RBM44: variants seen among roughly 807,000 people sequenced by gnomAD.
The protein encoded by RBM44 is RNA binding motif protein 44.
RBM44 carries 66 observed loss-of-function variants against 105.1 expected under a neutral mutation model. The ratio of observed to expected loss-of-function variants is 0.63; its 90% CI spans 0.52 to 0.77. RBM44 has a LOEUF of 0.77. Ranked by LOEUF, RBM44 falls within the 30% of genes least tolerant of loss-of-function variation. The pLI, the probability that RBM44 is intolerant of heterozygous loss-of-function variation, is 0.00. For missense variants in RBM44, 1,122 were observed against 1,207.8 expected, an observed-to-expected ratio of 0.93 and a Z score of 1.05; for synonymous variants, 365 against 417.6, an observed-to-expected ratio of 0.87 and a Z score of 1.54.
chr2:237,807,910 A>C (rs2061615276), intron 1 of RBM44, among the ~76,000 whole-genome samples: 1 of 152,214 alleles, frequency 6.6e-6, no homozygotes, highest in South Asian at 2.1e-4. Flanking sequence ...CAATAACATC[A>C]TTTTTAGGTT....
intron 15 of RBM44, chr2:237,834,735 C>G (rs2061940159): frequency 6.2e-6 from 1 of 161,386 alleles, no homozygotes; most frequent in African/African-American, 2.4e-5. Context: ...GGACTGTAGT[C>G]ATTCAGAGGC....
chr2:237,808,964 A>T (rs976331522), intron 1 of RBM44, among the ~76,000 whole-genome samples: 14 of 152,324 alleles, frequency 9.2e-5, no homozygotes, highest in African/African-American at 3.4e-4. Flanking sequence ...ATAGTCCTAG[A>T]AAAAGCATTT....
chr2:237,809,113 A>G (rs2061628886), intron 1 of RBM44, among the ~76,000 whole-genome samples: 1 of 152,216 alleles, frequency 6.6e-6, no homozygotes, highest in Admixed American at 6.5e-5. Flanking sequence ...CAATTTGATA[A>G]TCAAGAATCC....
Position 237,834,425 on chromosome 2 carries a change from TA to T in RBM44, c.*22+5del. On this transcript the variant is annotated splice_donor_region_variant and intron_variant, in intron 15 of 15. Coordinates refer to ENST00000316997, the MANE Select transcript of RBM44 (RefSeq NM_001080504.3). ...AGGAATTCAAAAAACAATAAAGAGGTAAAGTAATCATATTCTTTTGTATTTG... is the reference window on the plus strand; with the variant it reads ...AGGAATTCAAAAAACAATAAAGAGGTAAGTAATCATATTCTTTTGTATTTG... The T allele has an allele frequency of 7.0e-7, 1 of 1,419,988 alleles. No individual in the cohort carries two copies. Among genetic ancestry groups the T allele is most frequent in the South Asian group, 1.5e-5 (1 of 68,736 alleles). 88.0% of individuals were successfully genotyped at this position (1,419,988 alleles called of 1,614,324 possible). A position where few individuals can be genotyped will look rare whatever the true frequency, so the allele number is the denominator to read the frequency against.
At position 237,817,280 on chromosome 2, in the gene RBM44, C is replaced by T; in HGVS notation, c.361C>T (p.Leu121=). 6.2e-7 allele frequency: 1 copy of T among 1,607,028 alleles called. No homozygotes were observed. Among genetic ancestry groups the T allele is most frequent in the Non-Finnish European group, 8.5e-7 (1 of 1,176,436 alleles). The change falls in exon 3 of 16, where the codon CTA becomes TTA. Residue 121 remains leucine (L), a synonymous_variant. Transcript: ENST00000316997. ...TYSIPYSESK[L]KKESLTPLSS... ...TTCTATACCTTATTCAGAGTCAAAA[C>T]TAAAGAAGGAAAGTCTTACTCCTTT...
chr2:237,819,333 A>C (rs1382353441), intron 4 of RBM44, among the ~76,000 whole-genome samples: 1 of 152,110 alleles, frequency 6.6e-6, no homozygotes, highest in Non-Finnish European at 1.5e-5. Context: ...GGAGCATTTT[A>C]ATCTTGATTT....
chr2:237,827,588 T>A, intron 12 of RBM44, 85 bp downstream of exon 12: 1 of 792,558 alleles, frequency 1.3e-6, no homozygotes, highest in Non-Finnish European at 2.1e-6. Flanking sequence ...GCCACAGTGG[T>A]GATAAAGTCA....
intron 1 of RBM44, chr2:237,799,193 GCTT>G (rs1310783758): frequency 6.6e-6 from 1 of 152,214 alleles, no homozygotes; most frequent in African/African-American, 2.4e-5. Flanking sequence ...TCGCACATAT[GCTT>G]CTTCTTGCCG....
chr2:237,822,845 C>T, intron 8 of RBM44, among the ~76,000 whole-genome samples: 1 of 151,972 alleles, frequency 6.6e-6, no homozygotes, highest in East Asian at 1.9e-4. Flanking sequence ...ATTCCTGTCT[C>T]ATTAAATTAA....
intron 15 of RBM44, among the ~76,000 whole-genome samples, chr2:237,839,581 A>G (rs1278971594): frequency 2.0e-5 from 3 of 152,100 alleles, no homozygotes; most frequent in Non-Finnish European, 4.4e-5. Flanking sequence ...TAAAAGAACA[A>G]TTTTCAAAAG....
chr2:237,804,625 A>G (rs2150967156), intron 1 of RBM44, among the ~76,000 whole-genome samples: 1 of 152,162 alleles, frequency 6.6e-6, no homozygotes, highest in South Asian at 2.1e-4. Context: ...CCCATTTTTT[A>G]ATAAAGTTAT....
At chr2:237,805,311 T>G (rs78338823) in intron 1 of RBM44, among the ~76,000 whole-genome samples, 1,655 of 152,326 alleles carry the variant, frequency 0.011, 15 homozygotes, top group Middle Eastern at 0.044. Context: ...CAAGGCGTAC[T>G]GTAAAGCACT....
intron 8 of RBM44, among the ~76,000 whole-genome samples, chr2:237,823,059 C>T (rs993716356): frequency 1.3e-5 from 2 of 151,584 alleles, no homozygotes; most frequent in Admixed American, 1.3e-4. Context: ...TACACATAAG[C>T]ATACGCTAAA....
intron 15 of RBM44, among the ~76,000 whole-genome samples, chr2:237,840,629 T>C (rs1425596284): frequency 6.6e-6 from 1 of 151,962 alleles, no homozygotes; most frequent in Non-Finnish European, 1.5e-5. Flanking sequence ...ATCAACAGAG[T>C]AAACAGATAA....
At chr2:237,812,221 T>C (rs1187812016) in intron 1 of RBM44, among the ~76,000 whole-genome samples, 1 of 152,222 alleles carries the variant, frequency 6.6e-6, no homozygotes, top group Non-Finnish European at 1.5e-5. Context: ...CCATTTTTAC[T>C]ATTTTTAAAG....
intron 4 of RBM44, among the ~76,000 whole-genome samples, chr2:237,819,528 C>T (rs573157738): frequency 3.2e-4 from 49 of 151,840 alleles, no homozygotes; most frequent in Admixed American, 3.2e-3. Flanking sequence ...TTTAATCTGG[C>T]GTTTCAGTTC....
intron 15 of RBM44, among the ~76,000 whole-genome samples, chr2:237,837,317 A>G (rs2061969979): frequency 6.6e-6 from 1 of 152,208 alleles, no homozygotes; most frequent in African/African-American, 2.4e-5. Flanking sequence ...AATACATTTC[A>G]TAAGGTTATA....
rs1235872152 is a variant in RBM44 at position 237,806,034 on chromosome 2, T to C, written c.-19+7173T>C. On this transcript the variant is annotated intron_variant, in intron 1 of 15. Transcript: ENST00000316997. The stretch of plus-strand genomic sequence containing the variant: ...AGAGTAAGACCATAAACTATAAAAA[T>C]CTTAGAAGACAACCTAGGAAATACT... 1.3e-5 allele frequency among the ~76,000 whole-genome samples: 2 copies of C among 152,098 alleles called. 1 individual carries two copies. The highest frequency in any genetic ancestry group is 2.9e-5 in the Non-Finnish European group (2 of 67,992).
chr2:237,811,275 T>C (rs1047749592), intron 1 of RBM44, among the ~76,000 whole-genome samples: 1 of 150,696 alleles, frequency 6.6e-6, no homozygotes, highest in African/African-American at 2.5e-5. Context: ...AATTACTGTT[T>C]CTTTTTTTTC....
Sources: gnomAD v4.1 joint callset for allele counts (sites outside exome capture counted in the v4.1 genomes callset) on GRCh38, gnomAD v4.1.1 for gene constraint, MANE v1.5 for transcripts, NCBI Gene and HGNC (gene_info 2026-07-23, HGNC 2026-07-21) for gene names.